The following SMIM36 variants were observed in gnomAD, a reference collection of about 807,000 sequenced individuals.
The protein encoded by SMIM36 is small integral membrane protein 36.
At chr17:55,450,901 T>C (rs2143218697) in intron 4 of SMIM36, among the ~76,000 whole-genome samples, 1 of 152,346 alleles carries the variant, frequency 6.6e-6, no homozygotes, top group Admixed American at 6.5e-5. Context: ...CTTCTTTTTT[T>C]TTTGAGACGG....
chr17:55,516,449 A>C, the SMIM36 span, among the ~76,000 whole-genome samples: 1 of 152,152 alleles, frequency 6.6e-6, no homozygotes, highest in Non-Finnish European at 1.5e-5. Flanking sequence ...GGCCATTTTT[A>C]GAACTACAAA....
chr17:55,526,577 G>A, the SMIM36 span, among the ~76,000 whole-genome samples: 1 of 152,152 alleles, frequency 6.6e-6, no homozygotes, highest in Non-Finnish European at 1.5e-5. Flanking sequence ...CGCCAGCAGA[G>A]GGCATTAAGA....
chr17:55,457,973 G>T (rs1011852495), intron 4 of SMIM36, among the ~76,000 whole-genome samples: 2 of 152,300 alleles, frequency 1.3e-5, no homozygotes, highest in African/African-American at 2.4e-5. Context: ...ATTGGGATTT[G>T]CCTGCTAGCT....
chr17:55,450,605 T>C (rs1359453765), intron 4 of SMIM36, among the ~76,000 whole-genome samples: 1 of 152,184 alleles, frequency 6.6e-6, no homozygotes, highest in East Asian at 1.9e-4. Flanking sequence ...ATTTACACAG[T>C]TGCTGAGTGT....
the SMIM36 span, among the ~76,000 whole-genome samples, chr17:55,531,975 TG>T: frequency 6.6e-6 from 1 of 152,360 alleles, no homozygotes; most frequent in Admixed American, 6.5e-5. Flanking sequence ...GTCAGTTGTG[TG>T]GGTGACCCCA....
chr17:55,453,000 G>A (rs1437830320), intron 4 of SMIM36, among the ~76,000 whole-genome samples: 3 of 152,162 alleles, frequency 2.0e-5, no homozygotes, highest in East Asian at 3.8e-4. Context: ...ACACCACCTG[G>A]GCAGTTCCTT....
At chr17:55,481,933 G>A (rs1909527948) in intron 1 of SMIM36, among the ~76,000 whole-genome samples, 3 of 152,170 alleles carry the variant, frequency 2.0e-5, no homozygotes, top group Admixed American at 2.0e-4. Flanking sequence ...GTAGACTCAA[G>A]CGATTCTCCT....
intron 4 of SMIM36, chr17:55,458,425 T>C (rs1473909764): frequency 6.6e-6 from 1 of 152,014 alleles, no homozygotes; most frequent in East Asian, 1.9e-4. Flanking sequence ...AAGTGCAGGG[T>C]AGAGGAGGGC....
At chr17:55,521,045 T>A in the SMIM36 span, among the ~76,000 whole-genome samples, 1 of 152,118 alleles carries the variant, frequency 6.6e-6, no homozygotes, top group South Asian at 2.1e-4. Context: ...ATCTCTTGAA[T>A]CCAGGAGGTG....
At chr17:55,526,478 C>T in the SMIM36 span, among the ~76,000 whole-genome samples, 3 of 151,990 alleles carry the variant, frequency 2.0e-5, no homozygotes, top group South Asian at 6.2e-4. Context: ...TATTATTATC[C>T]CCATGTTATA....
intron 4 of SMIM36, among the ~76,000 whole-genome samples, chr17:55,456,099 C>G (rs1255660657): frequency 3.4e-5 from 2 of 58,526 alleles, no homozygotes; most frequent in Admixed American, 5.9e-4. Context: ...GCCTGGGCAA[C>G]AAGTGCAAAA....
chr17:55,531,253 T>C, the SMIM36 span, among the ~76,000 whole-genome samples: 1 of 152,198 alleles, frequency 6.6e-6, no homozygotes, highest in East Asian at 1.9e-4. Flanking sequence ...CTCAATAATG[T>C]GGCAGTTACT....
At chr17:55,501,460 A>C (rs1330101007) in intron 1 of SMIM36, among the ~76,000 whole-genome samples, 3 of 81,568 alleles carry the variant, frequency 3.7e-5, no homozygotes, top group Non-Finnish European at 6.2e-5. Flanking sequence ...ATATATTATT[A>C]TATATTATAT....
upstream of SMIM36, among the ~76,000 whole-genome samples, chr17:55,513,036 T>C (rs960750842): frequency 6.6e-6 from 1 of 152,192 alleles, no homozygotes; most frequent in Non-Finnish European, 1.5e-5. Context: ...GACTAACTTA[T>C]GGAATTATAA....
chr17:55,488,796 G>A (rs1279483053), intron 1 of SMIM36, among the ~76,000 whole-genome samples: 2 of 152,084 alleles, frequency 1.3e-5, no homozygotes, highest in Non-Finnish European at 2.9e-5. Context: ...TGGGTCAAAT[G>A]TCTTCAAATT....
At chr17:55,460,354 G>A (rs1286125918) in intron 4 of SMIM36, among the ~76,000 whole-genome samples, 12 of 151,528 alleles carry the variant, frequency 7.9e-5, no homozygotes, top group African/African-American at 2.9e-4. Flanking sequence ...CTTGAATCTG[G>A]GCAGCAGAGG....
At chr17:55,502,506 T>G (rs1426252739) in intron 1 of SMIM36, among the ~76,000 whole-genome samples, 1 of 108,374 alleles carries the variant, frequency 9.2e-6, no homozygotes, top group African/African-American at 4.5e-5. Context: ...GACCTGCAGC[T>G]GAGGGTCCTG....
intron 1 of SMIM36, among the ~76,000 whole-genome samples, chr17:55,501,774 C>T (rs953150836): frequency 6.6e-6 from 1 of 151,298 alleles, no homozygotes; most frequent in African/African-American, 2.4e-5. Context: ...CCCAGCGTGA[C>T]CGACGCAGAA....
chr17:55,517,652 A>G, the SMIM36 span, among the ~76,000 whole-genome samples: 2 of 152,202 alleles, frequency 1.3e-5, no homozygotes, highest in Admixed American at 1.3e-4. Flanking sequence ...ACTCGGGTAT[A>G]TGGAGGTATC....
Sources: allele counts gnomAD v4.1 joint callset (sites outside exome capture counted in the v4.1 genomes callset), GRCh38; gene constraint gnomAD v4.1.1; transcripts MANE v1.5; gene names NCBI Gene and HGNC (gene_info 2026-07-23, HGNC 2026-07-21).